Variants in ADGRD1 observed in about 807,000 individuals in gnomAD.
The protein encoded by ADGRD1 is G-protein coupled receptor 133.
ADGRD1 carries 77 observed loss-of-function variants against 113.4 expected under a neutral mutation model. The ratio of observed to expected loss-of-function variants is 0.68; its 90% CI spans 0.57 to 0.82. ADGRD1 has a LOEUF of 0.82. Ranked by LOEUF, ADGRD1 falls within the 40% of genes least tolerant of loss-of-function variation. The pLI is 0.00. For missense variants in ADGRD1, 1,036 were observed against 1,139.1 expected, an observed-to-expected ratio of 0.91 and a Z score of 1.30; for synonymous variants, 474 against 475.0, an observed-to-expected ratio of 1.00 and a Z score of 0.03.
At chr12:131,107,417 G>T (rs1292413013) in intron 17 of ADGRD1, among the ~76,000 whole-genome samples, 2 of 150,550 alleles carry the variant, frequency 1.3e-5, no homozygotes, top group Non-Finnish European at 3.0e-5. Flanking sequence ...GAAGGGCTCT[G>T]ATGGGTCCTG....
chr12:131,077,020 T>G, intron 14 of ADGRD1, 146 bp downstream of exon 14: 1 of 744,470 alleles, frequency 1.3e-6, no homozygotes, highest in South Asian at 1.6e-5. Context: ...GCTGGAGATG[T>G]GGGCAGGGCC....
intron 20 of ADGRD1, among the ~76,000 whole-genome samples, chr12:131,129,804 C>T (rs1462223706): frequency 6.6e-6 from 1 of 152,272 alleles, no homozygotes; most frequent in African/African-American, 2.4e-5. Context: ...CAGGCAGGGT[C>T]TGTGGCAGTT....
chr12:131,065,028 CCT>C (rs1202503608), intron 13 of ADGRD1, among the ~76,000 whole-genome samples: 1 of 152,204 alleles, frequency 6.6e-6, no homozygotes, highest in Non-Finnish European at 1.5e-5. Context: ...TTCTCCCTCT[CCT>C]CTCTCTTTGT....
At chr12:130,987,713 G>A (rs756507190) in intron 6 of ADGRD1, 4 of 309,518 alleles carry the variant, frequency 1.3e-5, no homozygotes, top group African/African-American at 6.4e-5. Flanking sequence ...GGAAAGCCCC[G>A]AAGATACCTC....
intron 15 of ADGRD1, among the ~76,000 whole-genome samples, chr12:131,098,598 C>T (rs1412113697): frequency 6.6e-6 from 1 of 152,110 alleles, no homozygotes; most frequent in Non-Finnish European, 1.5e-5. Context: ...GCCAGCAGGA[C>T]TCGGAGGTGG....
intron 15 of ADGRD1, among the ~76,000 whole-genome samples, chr12:131,085,250 A>T (rs1886379585): frequency 1.3e-5 from 2 of 152,160 alleles, no homozygotes; most frequent in African/African-American, 4.8e-5. Context: ...AGCGGTGAGG[A>T]GAGGTGTCTC....
intron 13 of ADGRD1, among the ~76,000 whole-genome samples, chr12:131,017,258 C>G (rs1878672172): frequency 6.7e-6 from 1 of 149,760 alleles, no homozygotes; most frequent in Admixed American, 6.6e-5. Context: ...TACACTCAGT[C>G]CACACACACC....
At chr12:131,000,189 A>C (rs779482825) in intron 8 of ADGRD1, among the ~76,000 whole-genome samples, 194 bp from the exon 9 acceptor site, 38 of 152,242 alleles carry the variant, frequency 2.5e-4, no homozygotes, top group Non-Finnish European at 4.7e-4. Context: ...CACAGGAGCA[A>C]ATAAGATAAC....
At chr12:130,960,159 C>T (rs971255711) in intron 2 of ADGRD1, among the ~76,000 whole-genome samples, 2 of 152,210 alleles carry the variant, frequency 1.3e-5, no homozygotes, top group African/African-American at 4.8e-5. Flanking sequence ...CCATTTTATA[C>T]ATGACATTTG....
intron 4 of ADGRD1, among the ~76,000 whole-genome samples, chr12:130,972,417 A>C (rs1871781874): frequency 6.6e-6 from 1 of 152,140 alleles, no homozygotes; most frequent in Admixed American, 6.5e-5. Flanking sequence ...TGTAGGACAA[A>C]ATGGACTTTG....
At chr12:131,017,283 C>G (rs1878680145) in intron 13 of ADGRD1, among the ~76,000 whole-genome samples, 1 of 149,776 alleles carries the variant, frequency 6.7e-6, no homozygotes, top group Non-Finnish European at 1.5e-5. Context: ...CCACACACAC[C>G]CAGTGCACAC....
At chr12:131,104,751 C>T in intron 15 of ADGRD1, 80 bp from the exon 16 acceptor site, 1 of 927,728 alleles carries the variant, frequency 1.1e-6, no homozygotes, top group Non-Finnish European at 1.6e-6. Flanking sequence ...CAGCTGTGCA[C>T]CCACCTGGGC....
At chr12:131,082,978 G>A (rs993700231) in intron 14 of ADGRD1, among the ~76,000 whole-genome samples, 3 of 152,176 alleles carry the variant, frequency 2.0e-5, no homozygotes, top group African/African-American at 4.8e-5. Context: ...CGCGCTCCAC[G>A]TCGCCCAGGG....
At chr12:131,104,798 C>T (rs1950192899) in intron 15 of ADGRD1, 33 bp from the exon 16 acceptor site, 1 of 1,481,440 alleles carries the variant, frequency 6.8e-7, no homozygotes, top group Non-Finnish European at 9.1e-7. Flanking sequence ...GTGCCTGGGC[C>T]TGCTGCTGAC....
At chr12:131,116,140 A>G (rs1435506303) in intron 18 of ADGRD1, among the ~76,000 whole-genome samples, 10 of 152,232 alleles carry the variant, frequency 6.6e-5, no homozygotes, top group Admixed American at 3.3e-4. Context: ...TTTTGGAGAA[A>G]GCAGACAGTG....
intron 12 of ADGRD1, among the ~76,000 whole-genome samples, chr12:131,008,582 G>A (rs1202545056): frequency 6.6e-6 from 1 of 152,232 alleles, no homozygotes; most frequent in African/African-American, 2.4e-5. Flanking sequence ...TGATGACGGA[G>A]GGGATGATAT....
chr12:130,996,704 G>T (rs1875452247), intron 8 of ADGRD1, among the ~76,000 whole-genome samples: 1 of 98,816 alleles, frequency 1.0e-5, no homozygotes, highest in Non-Finnish European at 2.2e-5. Context: ...GCCGGGCGGG[G>T]GGCTGACCCC....
intron 4 of ADGRD1, among the ~76,000 whole-genome samples, chr12:130,975,655 T>C (rs972734063): frequency 6.6e-6 from 1 of 152,204 alleles, no homozygotes; most frequent in African/African-American, 2.4e-5. Context: ...AAGGTGCAGA[T>C]TATTAGGTAA....
rs116074080 is a variant in ADGRD1 at position 131,130,631 on chromosome 12, G to A, written c.2176-1094G>A. Among the ~76,000 whole-genome samples the A allele has an allele frequency of 6.4e-3, 978 of 152,352 alleles. 8 individuals carry two copies. Among genetic ancestry groups the A allele is most frequent in the African/African-American group, 0.022 (927 of 41,586 alleles). ...GGTGGCTTCAAGGCCCCTAGGGTGA[G>A]GCGGGCTCAGCAGTTGCTTCAGAAA... On this transcript the variant is annotated intron_variant, in intron 20 of 24. Transcript: ENST00000261654.
Sources: allele counts gnomAD v4.1 joint callset (sites outside exome capture counted in the v4.1 genomes callset), GRCh38; gene constraint gnomAD v4.1.1; transcripts MANE v1.5; gene names NCBI Gene and HGNC (gene_info 2026-07-23, HGNC 2026-07-21).